The following ITGAM variants were observed in gnomAD, a reference collection of about 807,000 sequenced individuals.
The protein encoded by ITGAM is integrin alpha-M.
ITGAM carries 79 observed loss-of-function variants against 137.5 expected under a neutral mutation model. That is an observed-to-expected ratio of 0.57 (90% confidence interval 0.48 to 0.69). The LOEUF (loss-of-function observed/expected upper bound fraction) is 0.69, where lower values mean the gene tolerates loss of function less well. Among genes scored for constraint, ITGAM ranks in the 30% least tolerant of loss-of-function variants. The probability of loss-of-function intolerance (pLI) is 0.00; values close to 1 mark genes in which losing one functional copy is unlikely to be tolerated. For missense variants in ITGAM, 1,343 were observed against 1,483.5 expected, an observed-to-expected ratio of 0.91 and a Z score of 1.56; for synonymous variants, 583 against 592.3, an observed-to-expected ratio of 0.98 and a Z score of 0.23.
At chr16:31,306,287 T>C (rs190111568) in intron 14 of ITGAM, among the ~76,000 whole-genome samples, 36 of 152,260 alleles carry the variant, frequency 2.4e-4, no homozygotes, top group African/African-American at 7.7e-4. Context: ...TTTTAGCTCC[T>C]CCTCCATCAT....
chr16:31,329,817 G>A lies in ITGAM; in HGVS notation c.2888G>A (p.Arg963Lys). The A allele has an allele frequency of 6.4e-7, 1 of 1,557,938 alleles. No individual in the cohort carries two copies. The highest frequency in any genetic ancestry group is 1.2e-5 in the South Asian group (1 of 84,430). Residue 963 changes from arginine (R) to lysine (K), a missense_variant, in exon 25 of 30, where the codon AGG (arginine) becomes AAG (lysine). Physicochemically the swap from Arg to Lys is conservative, Grantham distance 26. Coordinates refer to ENST00000544665, the MANE Select transcript of ITGAM (RefSeq NM_000632.4). ...HQYQVSNLGQ[R>K]SLPISLVFLV... ...GTGCAGGTCAGCAACCTGGGGCAGA[G>A]GAGCCTCCCCATCAGCCTGGTGTTC... is the stretch of plus-strand genomic sequence containing the variant.
At chr16:31,310,753 T>C (rs531812572) in intron 14 of ITGAM, among the ~76,000 whole-genome samples, 4 of 152,204 alleles carry the variant, frequency 2.6e-5, no homozygotes, top group African/African-American at 9.6e-5. Flanking sequence ...TGCGTTCCTT[T>C]GTAGGAGGAG....
At chr16:31,304,227 T>A (rs559823965) in intron 14 of ITGAM, among the ~76,000 whole-genome samples, 1 of 152,236 alleles carries the variant, frequency 6.6e-6, no homozygotes, top group African/African-American at 2.4e-5. Flanking sequence ...ATGTTGAGCA[T>A]TTTTTTCATA....
chr16:31,312,875 T>C lies in ITGAM; in HGVS notation c.1708-8366T>C, dbSNP rs1377423889. Among the ~76,000 whole-genome samples, 5 of 20,638 alleles carry C rather than the reference T, an allele frequency of 2.4e-4. No individual in the cohort carries two copies. In the Admixed American group the frequency reaches 5.1e-3, roughly 21 times the overall value. The allele number at this position is 20,638 out of a possible 152,430, so 13.5% of individuals were successfully genotyped here. ...CTCCTGTGGTAGTAGGGAGCAGTCT[T>C]TTTTTTTTTTTTTTTAAATCTTCAT... On this transcript the variant is annotated intron_variant, in intron 14 of 29. Transcript: ENST00000544665.
At chr16:31,302,378 CTTTTCTTTTCTT>C (rs1431342078) in intron 14 of ITGAM, among the ~76,000 whole-genome samples, 147 of 149,758 alleles carry the variant, frequency 9.8e-4, no homozygotes, top group African/African-American at 2.9e-3. Context: ...TTTTTTCTTT[CTTTTCTTTTCTT>C]TTTTCTTTTC....
At chr16:31,271,161 C>T in intron 6 of ITGAM, 77 bp downstream of exon 6, 2 of 1,248,354 alleles carry the variant, frequency 1.6e-6, no homozygotes, top group Non-Finnish European at 1.1e-6. Context: ...ACCATGTTCT[C>T]CTCCCAGTTC....
intron 12 of ITGAM, among the ~76,000 whole-genome samples, chr16:31,284,281 G>A (rs1168108966): frequency 1.3e-5 from 2 of 152,222 alleles, no homozygotes; most frequent in Non-Finnish European, 2.9e-5. Context: ...TAAGTCTGCA[G>A]AAGTTTCTGC....
intron 23 of ITGAM, 155 bp from the exon 24 acceptor site, chr16:31,329,073 T>TTCCCCCCCCCCCCCCCC: frequency 2.3e-6 from 1 of 426,236 alleles, no homozygotes. Context: ...ACACATTGGT[T>TTCCCCCCCCCCCCCCCC]CCCCCATCCC....
intron 5 of ITGAM, 42 bp downstream of exon 5, chr16:31,266,189 AC>A: frequency 1.4e-6 from 2 of 1,392,348 alleles, no homozygotes; most frequent in Non-Finnish European, 1.0e-6. Context: ...GCAGCAAAAG[AC>A]CAGGGGAGGG....
chr16:31,330,224 C>A (rs1311350766), intron 26 of ITGAM, 60 bp downstream of exon 26: 9 of 1,594,288 alleles, frequency 5.6e-6, no homozygotes, highest in Non-Finnish European at 7.7e-6. Flanking sequence ...CCTGCTGGAA[C>A]CTGTATGGTC....
intron 11 of ITGAM, among the ~76,000 whole-genome samples, chr16:31,277,436 A>G (rs1376372767): frequency 6.6e-6 from 1 of 150,438 alleles, no homozygotes; most frequent in Non-Finnish European, 1.5e-5. Flanking sequence ...TTGGCTCACC[A>G]CAACCTCCGC....
At chr16:31,280,547 T>C (rs1233403587) in intron 12 of ITGAM, among the ~76,000 whole-genome samples, 1 of 152,244 alleles carries the variant, frequency 6.6e-6, no homozygotes. Context: ...TTGTCTGTTA[T>C]TGGTGTATAG....
intron 5 of ITGAM, among the ~76,000 whole-genome samples, chr16:31,269,037 C>T (rs1282559912): frequency 2.6e-5 from 4 of 152,022 alleles, no homozygotes; most frequent in African/African-American, 4.8e-5. Context: ...TCAGTCTCCT[C>T]GAGCATTTGG....
At position 31,302,458 on chromosome 16, in the gene ITGAM, C is replaced by CTTTCTTTCTTTCTTT. The variant is rs1567268024; in HGVS notation, c.1707+4504_1707+4505insTTTCTTTCTTTCTTT. 2.8e-3 allele frequency among the ~76,000 whole-genome samples: 316 copies of CTTTCTTTCTTTCTTT among 111,376 alleles called. 1 individual carries two copies. The highest frequency in any genetic ancestry group is 3.7e-3 in the Non-Finnish European group (209 of 55,858). 73.1% of individuals were successfully genotyped at this position (111,376 alleles called of 152,430 possible). ...TTCTTTCTTTCTTTCTTTCTTCCTT[C>CTTTCTTTCTTTCTTT]CTTTCTTTCTTTCTTTCTTTCTTTC... On this transcript the variant is annotated intron_variant, in intron 14 of 29. Transcript: ENST00000544665.
At chr16:31,301,529 AC>A (rs1421476252) in intron 14 of ITGAM, among the ~76,000 whole-genome samples, 2 of 152,228 alleles carry the variant, frequency 1.3e-5, no homozygotes, top group African/African-American at 4.8e-5. Flanking sequence ...AAAGAAAGAC[AC>A]TTATATTCGC....
chr16:31,329,858 C>G lies in ITGAM; in HGVS notation c.2929C>G (p.Leu977Val). 6.4e-7 allele frequency: 1 copy of G among 1,564,366 alleles called. No individual in the cohort carries two copies. Among genetic ancestry groups the G allele is most frequent in the Non-Finnish European group, 8.7e-7 (1 of 1,154,380 alleles). ...CCTGGTGTTCTTGGTGCCCGTCCGGCTGAACCAGACTGTCATATGGGACCG... is the reference window on the plus strand; with the variant it reads ...CCTGGTGTTCTTGGTGCCCGTCCGGGTGAACCAGACTGTCATATGGGACCG... ...ISLVFLVPVR[L>V]NQTVIWDRPQ... Residue 977 changes from leucine (L) to valine (V), a missense_variant, in exon 25 of 30, where the codon CTG becomes GTG. Transcript: ENST00000544665.
chr16:31,331,117 C>T (rs753998920), intron 28 of ITGAM, 48 bp from the exon 29 acceptor site: 3 of 989,868 alleles, frequency 3.0e-6, no homozygotes, highest in African/African-American at 3.2e-5. Flanking sequence ...TGGGGAACCC[C>T]CAGAAATCCA....
At chr16:31,272,675 G>T (rs12928725) in intron 7 of ITGAM, among the ~76,000 whole-genome samples, 19,483 of 148,374 alleles carry the variant, frequency 0.13, 1,399 homozygotes, top group South Asian at 0.2. Flanking sequence ...GTAGAGACAG[G>T]GTTTCACCAT....
In ITGAM at chr16:31,331,915, G is replaced by C. The variant is rs951433168; in HGVS notation, c.*208G>C. On this transcript the variant is annotated 3_prime_UTR_variant, in exon 30 of 30. Transcript: ENST00000544665. ...TGCACATGTGTGCGTGTGCGTGCAT[G>C]TGCACTTGCACGCCCATGTGTGAGT... 1.8e-6 allele frequency: 1 copy of C among 565,112 alleles called. No homozygotes were observed. The highest frequency in any genetic ancestry group is 3.5e-5 in the Admixed American group (1 of 28,786). 35.0% of individuals were successfully genotyped at this position (565,112 alleles called of 1,614,324 possible). A position where few individuals can be genotyped will look rare whatever the true frequency, so the allele number is the denominator to read the frequency against.
Sources: gnomAD v4.1 joint callset for allele counts (sites outside exome capture counted in the v4.1 genomes callset) on GRCh38, gnomAD v4.1.1 for gene constraint, MANE v1.5 for transcripts, NCBI Gene and HGNC (gene_info 2026-07-23, HGNC 2026-07-21) for gene names.